The following RUNDC3B variants were observed in gnomAD, a reference collection of about 807,000 sequenced individuals.
RUNDC3B encodes the protein RUN domain-containing protein 3B.
In RUNDC3B, 33 loss-of-function variants were observed where a neutral mutation model predicts 58.4. That is an observed-to-expected ratio of 0.56 (90% CI 0.43 to 0.75). The LOEUF (loss-of-function observed/expected upper bound fraction) is 0.75. Among genes scored for constraint, RUNDC3B ranks in the 30% least tolerant of loss-of-function variants. RUNDC3B has a pLI of 0.00. For synonymous variants in RUNDC3B, 193 were observed against 195.2 expected (o/e 0.99, Z 0.10); for missense variants, 501 against 535.7 (o/e 0.94, Z 0.64).
At chr7:87,829,203 C>G (rs1363181549) in intron 10 of RUNDC3B, among the ~76,000 whole-genome samples, 1 of 152,110 alleles carries the variant, frequency 6.6e-6, no homozygotes, top group Admixed American at 6.6e-5. Flanking sequence ...CTTATAGATT[C>G]TGGATATCAG....
rs142545890 is a variant in RUNDC3B at position 87,760,709 on chromosome 7, C to G, written c.630-9872C>G. Among the ~76,000 whole-genome samples, 77 of 152,038 alleles carry G rather than the reference C, an allele frequency of 5.1e-4. 1 individual carries two copies. In the East Asian group the frequency reaches 0.014, roughly 27 times the overall value. ...GTCAGTGGAGTTTTGAAAAGGGTAC[C>G]AAAACCATTCAATGGATAAAGAATA... On this transcript the variant is annotated intron_variant, in intron 6 of 10. Transcript: ENST00000394654.
At chr7:87,769,261 T>C (rs1834141938) in intron 6 of RUNDC3B, among the ~76,000 whole-genome samples, 2 of 152,002 alleles carry the variant, frequency 1.3e-5, no homozygotes, top group South Asian at 4.1e-4. Context: ...TCCGCCCACC[T>C]TGGCCTCCCA....
intron 4 of RUNDC3B, among the ~76,000 whole-genome samples, chr7:87,732,389 G>T (rs1831636700): frequency 6.6e-6 from 1 of 152,104 alleles, no homozygotes; most frequent in South Asian, 2.1e-4. Context: ...GTAAAGGAAA[G>T]AAATAATAAA....
chr7:87,811,549 G>A (rs1160679933), intron 9 of RUNDC3B, among the ~76,000 whole-genome samples: 2 of 152,120 alleles, frequency 1.3e-5, no homozygotes, highest in Non-Finnish European at 2.9e-5. Flanking sequence ...TGTTGGCCAG[G>A]ATGGCCTCGA....
intron 10 of RUNDC3B, among the ~76,000 whole-genome samples, chr7:87,822,195 G>GA (rs989470186): frequency 2.6e-5 from 4 of 151,802 alleles, no homozygotes; most frequent in Non-Finnish European, 5.9e-5. Flanking sequence ...AAATTTACAA[G>GA]AAAAAAACAA....
intron 4 of RUNDC3B, among the ~76,000 whole-genome samples, chr7:87,716,280 C>G (rs927174368): frequency 3.9e-5 from 6 of 152,086 alleles, no homozygotes; most frequent in Non-Finnish European, 8.8e-5. Flanking sequence ...GGTTTTCAAG[C>G]TTATTCTGAG....
At position 87,812,619 on chromosome 7, in the gene RUNDC3B, G is replaced by C. The variant is rs557986936; in HGVS notation, c.1104-3522G>C. 1.8e-3 allele frequency among the ~76,000 whole-genome samples: 269 copies of C among 152,060 alleles called. 3 individuals carry two copies. Among genetic ancestry groups the C allele is most frequent in the African/African-American group, 6.1e-3 (253 of 41,490 alleles). On this transcript the variant is annotated intron_variant, in intron 9 of 10. Transcript: ENST00000394654. ...GTGAGACTCCATCTCAAATAAATAAGTAAATAAATAAATATTATATTTAAC... is the reference window on the plus strand; with the variant it reads ...GTGAGACTCCATCTCAAATAAATAACTAAATAAATAAATATTATATTTAAC...
intron 1 of RUNDC3B, among the ~76,000 whole-genome samples, chr7:87,646,840 T>C (rs1823052594): frequency 6.6e-6 from 1 of 152,188 alleles, no homozygotes; most frequent in Non-Finnish European, 1.5e-5. Context: ...ATCTTTTTGT[T>C]TCTATCCATT....
At chr7:87,723,504 G>A (rs1207298207) in intron 4 of RUNDC3B, among the ~76,000 whole-genome samples, 2 of 152,108 alleles carry the variant, frequency 1.3e-5, no homozygotes, top group Non-Finnish European at 1.5e-5. Flanking sequence ...CAATGCAAAT[G>A]TTCACAGCCT....
intron 8 of RUNDC3B, 94 bp from the exon 9 acceptor site, chr7:87,807,279 A>C: frequency 8.6e-7 from 1 of 1,161,340 alleles, no homozygotes; most frequent in Non-Finnish European, 1.2e-6. Context: ...CAATTTTATA[A>C]GATAAATTTT....
At chr7:87,826,511 C>T (rs755019683) in intron 10 of RUNDC3B, among the ~76,000 whole-genome samples, 3 of 151,370 alleles carry the variant, frequency 2.0e-5, no homozygotes, top group Non-Finnish European at 4.4e-5. Context: ...TGAAAGAAAA[C>T]TTAATCTAAA....
intron 4 of RUNDC3B, among the ~76,000 whole-genome samples, chr7:87,730,382 G>A (rs941493359): frequency 1.3e-5 from 2 of 152,062 alleles, no homozygotes; most frequent in African/African-American, 4.8e-5. Context: ...AGACCAGGCA[G>A]GATTCAGTGG....
chr7:87,738,787 T>A (rs949822185), intron 4 of RUNDC3B, among the ~76,000 whole-genome samples: 1 of 151,972 alleles, frequency 6.6e-6, no homozygotes, highest in Admixed American at 6.6e-5. Flanking sequence ...AAGTAATATG[T>A]TTGTAAAAAT....
chr7:87,736,757 G>A (rs1192792750), intron 4 of RUNDC3B, among the ~76,000 whole-genome samples: 1 of 142,194 alleles, frequency 7.0e-6, no homozygotes, highest in Non-Finnish European at 1.5e-5. Context: ...GCAGTACAAT[G>A]TTTTGGTTAG....
chr7:87,770,780 T>G, intron 7 of RUNDC3B, 31 bp downstream of exon 7: 1 of 1,498,170 alleles, frequency 6.7e-7, no homozygotes, highest in Non-Finnish European at 9.2e-7. Context: ...CGTACTTAAT[T>G]TTATTCTAGT....
chr7:87,754,230 A>G (rs1833217661), intron 6 of RUNDC3B, among the ~76,000 whole-genome samples: 1 of 152,230 alleles, frequency 6.6e-6, no homozygotes, highest in Non-Finnish European at 1.5e-5. Flanking sequence ...CCAAAATCAT[A>G]CCAAACACAC....
chr7:87,772,735 G>A (rs747342531), intron 7 of RUNDC3B, among the ~76,000 whole-genome samples: 18 of 151,964 alleles, frequency 1.2e-4, no homozygotes, highest in Non-Finnish European at 2.9e-5. Context: ...AAAAGAGAAC[G>A]CAAAATGCAA....
rs138304391 is a variant in RUNDC3B, at chr7:87,647,020, A to G, written c.123-3802A>G. Among the ~76,000 whole-genome samples the G allele has an allele frequency of 5.4e-3, 825 of 152,308 alleles. 7 individuals carry two copies. The highest frequency in any genetic ancestry group is 0.051 in the Middle Eastern group (15 of 294). ...ATACTATGTAGTTGAACATTAATCTATCTCAGCATTCCTCAATCAGGGTTC... is the reference window on the plus strand; with the variant it reads ...ATACTATGTAGTTGAACATTAATCTGTCTCAGCATTCCTCAATCAGGGTTC... On this transcript the variant is annotated intron_variant, in intron 1 of 10. Coordinates refer to ENST00000394654, the MANE Select transcript of RUNDC3B (RefSeq NM_001134405.2).
chr7:87,655,264 C>T (rs1327872598), intron 2 of RUNDC3B, among the ~76,000 whole-genome samples: 1 of 152,130 alleles, frequency 6.6e-6, no homozygotes, highest in Non-Finnish European at 1.5e-5. Flanking sequence ...AGAGTTATCT[C>T]TACTCCCATG....
Sources: allele counts gnomAD v4.1 joint callset (sites outside exome capture counted in the v4.1 genomes callset), GRCh38; gene constraint gnomAD v4.1.1; transcripts MANE v1.5; gene names NCBI Gene and HGNC (gene_info 2026-07-23, HGNC 2026-07-21).